The following ELF5 variants were observed in gnomAD, a reference collection of about 807,000 sequenced individuals.
ELF5 encodes the protein ETS-related transcription factor Elf-5.
A neutral mutation model predicts 38.2 loss-of-function variants in ELF5; 31 were observed. The ratio of observed to expected loss-of-function variants is 0.81; its 90% CI spans 0.61 to 1.10. The LOEUF is 1.10. Ranked by LOEUF, ELF5 falls within the 50% of genes least tolerant of loss-of-function variation. The probability of loss-of-function intolerance (pLI) is 0.00; values close to 1 mark genes in which losing one functional copy is unlikely to be tolerated. For synonymous variants in ELF5, 121 were observed against 112.5 expected (o/e 1.08, Z -0.48); for missense variants, 300 against 306.6 (o/e 0.98, Z 0.16).
chr11:34,482,061 A>G (rs995688215), intron 5 of ELF5, among the ~76,000 whole-genome samples: 1 of 152,348 alleles, frequency 6.6e-6, no homozygotes, highest in East Asian at 1.9e-4. Flanking sequence ...CAGTGGACCC[A>G]GGATTGGATC....
chr11:34,505,139 T>C (rs1421736825), intron 2 of ELF5, among the ~76,000 whole-genome samples: 1 of 152,088 alleles, frequency 6.6e-6, no homozygotes, highest in East Asian at 1.9e-4. Context: ...TGTATCTCAG[T>C]TTCTTCATGT....
intron 1 of ELF5, among the ~76,000 whole-genome samples, chr11:34,511,238 A>G (rs1302306228): frequency 6.6e-6 from 1 of 152,178 alleles, no homozygotes; most frequent in Non-Finnish European, 1.5e-5. Flanking sequence ...CTGAACTTTT[A>G]GTGCTGAAAA....
chr11:34,499,469 C>A (rs1286633491), intron 2 of ELF5, among the ~76,000 whole-genome samples: 4 of 152,176 alleles, frequency 2.6e-5, no homozygotes, highest in South Asian at 4.1e-4. Flanking sequence ...GTCTTGAACT[C>A]CTGGGCTCAG....
chr11:34,487,249 A>G (rs1850022820), intron 4 of ELF5, among the ~76,000 whole-genome samples: 1 of 152,004 alleles, frequency 6.6e-6, no homozygotes, highest in Non-Finnish European at 1.5e-5. Context: ...GGTGGACTTA[A>G]ACTTCTTAAC....
In ELF5 at chr11:34,493,514, T is replaced by TA. The variant is rs776652205; in HGVS notation, c.319dup (p.Tyr107LeufsTer18). 2.1e-5 allele frequency: 34 copies of TA among 1,613,906 alleles called. No homozygotes were observed. In the South Asian group the frequency reaches 3.7e-4, roughly 18 times the overall value. The stretch of plus-strand genomic sequence containing the variant: ...GATGTTCTGGAGGATGAAGTACAGG[T>TA]ACTCGCCGCAGAGGCCAGCTGCCTC... On this transcript the variant is annotated frameshift_variant, in exon 3 of 7. Coordinates refer to ENST00000257832, the MANE Select transcript of ELF5 (RefSeq NM_001422.4). LOFTEE classifies it high-confidence loss of function.
intron 2 of ELF5, among the ~76,000 whole-genome samples, chr11:34,497,162 A>C (rs1850338549): frequency 1.3e-5 from 2 of 152,254 alleles, no homozygotes; most frequent in Admixed American, 1.3e-4. Flanking sequence ...AACTCAGGGC[A>C]ATCAAATAAG....
Position 34,479,509 on chromosome 11 carries a change from T to C in ELF5, c.*709A>G, listed in dbSNP as rs1299682831. 6.6e-6 allele frequency: 1 copy of C among 152,228 alleles called. No homozygotes were observed. The highest frequency in any genetic ancestry group is 2.4e-5 in the African/African-American group (1 of 41,454). The allele number at this position is 152,228 out of a possible 1,614,324, so 9.4% of individuals were successfully genotyped here. A position where few individuals can be genotyped will look rare whatever the true frequency, so the allele number is the denominator to read the frequency against. ...GGTTAGGAAACTTTCTGTGAACCTA[T>C]GTTAAATCCAATTAAGTCCCAGCTT... is the stretch of plus-strand genomic sequence containing the variant. On this transcript the variant is annotated 3_prime_UTR_variant, in exon 7 of 7. Transcript: ENST00000257832.
At chr11:34,503,901 G>A (rs1203867052) in intron 2 of ELF5, among the ~76,000 whole-genome samples, 5 of 152,210 alleles carry the variant, frequency 3.3e-5, no homozygotes, top group Non-Finnish European at 7.3e-5. Context: ...GAAACTAACT[G>A]GGACATGAGA....
At chr11:34,505,170 G>A (rs920353343) in intron 2 of ELF5, among the ~76,000 whole-genome samples, 20 of 152,090 alleles carry the variant, frequency 1.3e-4, no homozygotes, top group African/African-American at 4.1e-4. Context: ...GATAATAATT[G>A]TTCATCTCAT....
At chr11:34,493,200 TTATTA>T in intron 3 of ELF5, 1 of 589,928 alleles carries the variant, frequency 1.7e-6, no homozygotes, top group East Asian at 2.8e-5. Flanking sequence ...ATATACTGTA[TTATTA>T]TCAGCCTGGT....
chr11:34,480,664 C>G, intron 6 of ELF5, 108 bp downstream of exon 6: 1 of 1,278,108 alleles, frequency 7.8e-7, no homozygotes, highest in Non-Finnish European at 1.1e-6. Context: ...GTCTCATGAC[C>G]TTTCCATTAT....
intron 2 of ELF5, among the ~76,000 whole-genome samples, chr11:34,500,853 C>G (rs1185901814): frequency 6.6e-6 from 1 of 151,276 alleles, no homozygotes; most frequent in Non-Finnish European, 1.5e-5. Context: ...CTTTCTCTGA[C>G]CAGTGGGTTT....
At chr11:34,507,605 C>T (rs1481582126) in intron 1 of ELF5, among the ~76,000 whole-genome samples, 1 of 152,244 alleles carries the variant, frequency 6.6e-6, no homozygotes, top group Non-Finnish European at 1.5e-5. Context: ...CTTGCCTGTG[C>T]TGGTCTCAAC....
chr11:34,508,395 C>T lies in ELF5; in HGVS notation c.-4-2642G>A, dbSNP rs190065967. 3.0e-3 allele frequency among the ~76,000 whole-genome samples: 450 copies of T among 152,098 alleles called. 2 individuals are homozygous for T. Among genetic ancestry groups the T allele is most frequent in the African/African-American group, 9.6e-3 (399 of 41,474 alleles). ...GTGCATGCCTGCAATCCCAGCTACT[C>T]GGGAGAGTGAGACAGGAGAATCGCT... is the stretch of plus-strand genomic sequence containing the variant. On this transcript the variant is annotated intron_variant, in intron 1 of 6. Coordinates refer to ENST00000257832, the MANE Select transcript of ELF5 (RefSeq NM_001422.4).
intron 5 of ELF5, among the ~76,000 whole-genome samples, 158 bp downstream of exon 5, chr11:34,482,273 A>G (rs561534082): frequency 1.3e-5 from 2 of 152,368 alleles, no homozygotes; most frequent in East Asian, 3.9e-4. Flanking sequence ...TCTGACTTTG[A>G]TAATACGTAT....
chr11:34,507,413 C>T (rs1431183377), intron 1 of ELF5, among the ~76,000 whole-genome samples: 1 of 152,240 alleles, frequency 6.6e-6, no homozygotes, highest in East Asian at 1.9e-4. Context: ...CCGGGTAATA[C>T]ATGCAAAGCC....
rs200118519 is a variant in ELF5 at position 34,505,690 on chromosome 11, C to G, written c.60G>C (p.Leu20=). The G allele has an allele frequency of 1.8e-4, 294 of 1,614,100 alleles. No individual in the cohort carries two copies. The highest frequency in any genetic ancestry group is 2.4e-4 in the Non-Finnish European group (284 of 1,179,986). The part of the protein sequence containing the change: ...FLPNASFCDP[L]MSWTDLFSNE... ...TGCTGAACAGATCAGTCCACGACAT[C>G]AGGGGATCGCAGAAGGATGCATTAG... The change falls in exon 2 of 7, where the codon CTG becomes CTC. Residue 20 remains leucine, a synonymous_variant. Coordinates refer to ENST00000257832, the MANE Select transcript of ELF5 (RefSeq NM_001422.4).
In ELF5 at chr11:34,500,427, C is replaced by T. The variant is rs78498797; in HGVS notation, c.121+5202G>A. Among the ~76,000 whole-genome samples, 2,208 of 152,320 alleles carry T rather than the reference C, an allele frequency of 0.014. 108 individuals carry two copies. In the East Asian group the frequency reaches 0.18, roughly 12 times the overall value. ...AGTCCAGCTCCATCCCATACCCCTTCCTGGCTTTCCAGCATAGCCTATGGA... is the reference window on the plus strand; with the variant it reads ...AGTCCAGCTCCATCCCATACCCCTTTCTGGCTTTCCAGCATAGCCTATGGA... On this transcript the variant is annotated intron_variant, in intron 2 of 6. Coordinates refer to ENST00000257832, the MANE Select transcript of ELF5 (RefSeq NM_001422.4).
intron 4 of ELF5, 135 bp downstream of exon 4, chr11:34,489,874 T>C (rs1850116591): frequency 9.4e-7 from 1 of 1,064,726 alleles, no homozygotes; most frequent in African/African-American, 1.6e-5. Context: ...CACCACGCTT[T>C]TCCCCACTGC....
Sources: allele counts gnomAD v4.1 joint callset (sites outside exome capture counted in the v4.1 genomes callset), GRCh38; gene constraint gnomAD v4.1.1; transcripts MANE v1.5; gene names NCBI Gene and HGNC (gene_info 2026-07-23, HGNC 2026-07-21).